The following MAD1L1 variants were observed in gnomAD, a reference collection of about 807,000 sequenced individuals.
The protein encoded by MAD1L1 is mitotic spindle assembly checkpoint protein MAD1.
MAD1L1 carries 95 observed loss-of-function variants against 96.9 expected under a neutral mutation model. The ratio of observed to expected loss-of-function variants is 0.98; its 90% CI spans 0.83 to 1.16. The LOEUF is 1.16. Among genes scored for constraint, MAD1L1 ranks in the 50% most tolerant of loss-of-function variants. The pLI is 0.00. For synonymous variants in MAD1L1, 473 were observed against 396.6 expected (o/e 1.19, Z -2.29); for missense variants, 1,007 against 954.4 (o/e 1.06, Z -0.73).
chr7:1,994,336 C>T (rs534934092), intron 14 of MAD1L1, among the ~76,000 whole-genome samples: 2 of 152,310 alleles, frequency 1.3e-5, no homozygotes, highest in East Asian at 3.9e-4. Flanking sequence ...ACGGGTCCAG[C>T]TCAATTCCCA....
intron 17 of MAD1L1, among the ~76,000 whole-genome samples, chr7:1,933,794 G>T (rs1192199599): frequency 6.6e-6 from 1 of 152,154 alleles, no homozygotes; most frequent in South Asian, 2.1e-4. Flanking sequence ...TGGTTCCGGG[G>T]ACCCATCTCT....
At chr7:1,839,586 C>T (rs1028797332) in intron 18 of MAD1L1, among the ~76,000 whole-genome samples, 2 of 152,230 alleles carry the variant, frequency 1.3e-5, no homozygotes, top group African/African-American at 4.8e-5. Flanking sequence ...CCATAGAGAG[C>T]ATTTCCGGCT....
rs371343314 is a variant in MAD1L1, at chr7:1,866,817, C to T, written c.1998+31383G>A. Among the ~76,000 whole-genome samples the T allele has an allele frequency of 5.6e-4, 86 of 152,300 alleles. No individual in the cohort carries two copies. The East Asian group carries it at 9.7e-3, about 17-fold the overall frequency. ...TGACTGGGGAAGCAGCAGGAGGCAG[C>T]GACATAGGGCCCGGTGAGGGCCAAG... On this transcript the variant is annotated intron_variant, in intron 18 of 18. Coordinates refer to ENST00000265854, the MANE Select transcript of MAD1L1 (RefSeq NM_001013836.2).
chr7:1,860,234 A>C (rs1196273864), intron 18 of MAD1L1, among the ~76,000 whole-genome samples: 29 of 76,640 alleles, frequency 3.8e-4, no homozygotes, highest in African/African-American at 1.2e-3. Context: ...GTCCCTAGAC[A>C]TGACATCCTG....
intron 10 of MAD1L1, among the ~76,000 whole-genome samples, chr7:2,203,892 C>A (rs1275476222): frequency 6.6e-6 from 1 of 152,214 alleles, no homozygotes; most frequent in Non-Finnish European, 1.5e-5. Flanking sequence ...TATTCTGGAA[C>A]AGCCCCCCAG....
At chr7:2,172,768 A>G (rs369933888) in intron 10 of MAD1L1, among the ~76,000 whole-genome samples, 2 of 152,226 alleles carry the variant, frequency 1.3e-5, no homozygotes, top group African/African-American at 4.8e-5. Flanking sequence ...GGCTGGCCGC[A>G]GTCCCATCCC....
chr7:2,200,141 C>T (rs1428946089), intron 10 of MAD1L1: 1 of 152,398 alleles, frequency 6.6e-6, no homozygotes, highest in Non-Finnish European at 1.5e-5. Context: ...GGGACCAAGG[C>T]CTGCCGGCCA....
chr7:1,961,041 C>T (rs748241007), intron 15 of MAD1L1, among the ~76,000 whole-genome samples: 21 of 152,174 alleles, frequency 1.4e-4, no homozygotes, highest in Non-Finnish European at 2.5e-4. Flanking sequence ...AGAGATGGAA[C>T]GGAACAGGCC....
At chr7:2,028,424 CAAAAAAAA>C (rs56189973) in intron 12 of MAD1L1, among the ~76,000 whole-genome samples, 2 of 86,170 alleles carry the variant, frequency 2.3e-5, no homozygotes, top group African/African-American at 4.0e-5. Context: ...GACTCCATCT[CAAAAAAAA>C]AAAAAAAAAA....
chr7:1,879,641 TG>T (rs1485111726), intron 18 of MAD1L1, among the ~76,000 whole-genome samples: 1 of 152,212 alleles, frequency 6.6e-6, no homozygotes, highest in East Asian at 1.9e-4. Context: ...TACTTGACTT[TG>T]AGACTTACTA....
chr7:2,155,453 A>G (rs1248049663), intron 10 of MAD1L1, among the ~76,000 whole-genome samples: 1 of 152,206 alleles, frequency 6.6e-6, no homozygotes, highest in Non-Finnish European at 1.5e-5. Context: ...ACCCTGTCGC[A>G]TTAAAGAGGA....
At chr7:2,018,654 G>A (rs1782648720) in intron 12 of MAD1L1, among the ~76,000 whole-genome samples, 2 of 152,164 alleles carry the variant, frequency 1.3e-5, no homozygotes. Flanking sequence ...CCTCCTTAGA[G>A]CCCCAGCACC....
At position 2,044,824 on chromosome 7, in the gene MAD1L1, C is replaced by T. The variant is rs1053955289; in HGVS notation, c.1218+24370G>A. Among the ~76,000 whole-genome samples, 5 of 152,138 alleles carry T rather than the reference C, an allele frequency of 3.3e-5. No individual in the cohort carries two copies. In the South Asian group the frequency reaches 6.2e-4, roughly 19 times the overall value. ...AGGCCATCAGTATGGCGTAGTCCCC[C>T]GGGGCGTGGACACCCTCTCAGCTCC... On this transcript the variant is annotated intron_variant, in intron 12 of 18. Transcript: ENST00000265854.
rs1793387669 is a variant in MAD1L1, at chr7:2,218,062, A to G, written c.597-19T>C. 2 of 1,594,532 alleles carry G rather than the reference A, an allele frequency of 1.3e-6. No individual in the cohort carries two copies. Among genetic ancestry groups the G allele is most frequent in the Admixed American group, 1.7e-5 (1 of 59,984 alleles). On this transcript the variant is annotated intron_variant, in intron 6 of 18. Transcript: ENST00000265854. ...GCATTTTCTATTGAAAGAAAAATAC[A>G]TCACACACAGAAACAGGCATGCGGC...
At chr7:1,938,805 GCACA>G (rs1391795863) in intron 16 of MAD1L1, among the ~76,000 whole-genome samples, 3 of 113,776 alleles carry the variant, frequency 2.6e-5, no homozygotes, top group East Asian at 2.8e-4. Flanking sequence ...GACCAGAGGC[GCACA>G]CACACACACG....
At chr7:1,920,130 C>T (rs1445816309) in intron 17 of MAD1L1, among the ~76,000 whole-genome samples, 1 of 152,218 alleles carries the variant, frequency 6.6e-6, no homozygotes, top group Admixed American at 6.5e-5. Context: ...CCCTGTCCTT[C>T]CCCAGTACAT....
intron 12 of MAD1L1, among the ~76,000 whole-genome samples, chr7:2,024,654 T>A (rs1049404707): frequency 1.3e-5 from 2 of 152,230 alleles, no homozygotes; most frequent in Non-Finnish European, 2.9e-5. Context: ...CAGGGTTTAG[T>A]GCTTCTCTCT....
chr7:1,854,286 C>A (rs1435316943), intron 18 of MAD1L1: 3 of 424,860 alleles, frequency 7.1e-6, no homozygotes, highest in Non-Finnish European at 1.4e-5. Context: ...GTGGCTGAGA[C>A]TGCCCCAGCC....
In MAD1L1 at chr7:2,142,068, A is replaced by G. The variant is rs900827522; in HGVS notation, c.1073+7084T>C. On this transcript the variant is annotated intron_variant, in intron 11 of 18. Transcript: ENST00000265854. This position sits in a 1 kb window ranked among gnomAD's most constrained non-coding sequence, Gnocchi z 4.7. ...GGGCACCTGACTCACTGAGGGGTCC[A>G]TGTTCAAGTGCATGGTGCCAGACCC... 6.6e-6 allele frequency among the ~76,000 whole-genome samples: 1 copy of G among 152,202 alleles called. No individual in the cohort carries two copies. Among genetic ancestry groups the G allele is most frequent in the African/African-American group, 2.4e-5 (1 of 41,464 alleles).
Sources: gnomAD v4.1 joint callset for allele counts (sites outside exome capture counted in the v4.1 genomes callset) on GRCh38, gnomAD v4.1.1 for gene constraint, Gnocchi (gnomAD v3.1) non-coding constraint, MANE v1.5 for transcripts, NCBI Gene and HGNC (gene_info 2026-07-23, HGNC 2026-07-21) for gene names.